SATB2: variants seen among roughly 807,000 people sequenced by gnomAD.
SATB2 encodes DNA-binding protein SATB2.
SATB2 carries 1 observed loss-of-function variant against 73.4 expected under a neutral mutation model. The observed-to-expected ratio is 0.01, with a 90% confidence interval of 0.00 to 0.06. The LOEUF is 0.06. Ranked by LOEUF, SATB2 falls within the 10% of genes least tolerant of loss-of-function variation. SATB2 has a pLI of 1.00. For missense variants in SATB2, 459 were observed against 945.8 expected, an observed-to-expected ratio of 0.49 and a Z score of 6.75; for synonymous variants, 397 against 367.0, an observed-to-expected ratio of 1.08 and a Z score of -0.93.
chr2:199,309,528 T>G (rs978200063), intron 9 of SATB2, among the ~76,000 whole-genome samples: 44 of 152,358 alleles, frequency 2.9e-4, no homozygotes, highest in Admixed American at 2.7e-3. Context: ...TAGGCCCTCT[T>G]AACCATCACC....
At chr2:199,441,122 T>C (rs1352296573) in intron 2 of SATB2, among the ~76,000 whole-genome samples, 1 of 152,080 alleles carries the variant, frequency 6.6e-6, no homozygotes, top group Non-Finnish European at 1.5e-5. Flanking sequence ...GCTGGGATTA[T>C]AGGTGTGAGC....
chr2:199,430,094 A>G (rs1691456718), intron 3 of SATB2, among the ~76,000 whole-genome samples: 1 of 152,188 alleles, frequency 6.6e-6, no homozygotes, highest in African/African-American at 2.4e-5. Flanking sequence ...ATGAATGAAT[A>G]GCTACTCAAC....
At chr2:199,390,757 A>G (rs944365728) in intron 3 of SATB2, among the ~76,000 whole-genome samples, 1 of 152,120 alleles carries the variant, frequency 6.6e-6, no homozygotes, top group Non-Finnish European at 1.5e-5. Context: ...AAATGTTGCA[A>G]TAGGTTTTCC....
At chr2:199,363,413 C>T (rs966460466) in intron 6 of SATB2, among the ~76,000 whole-genome samples, 2 of 152,226 alleles carry the variant, frequency 1.3e-5, no homozygotes, top group African/African-American at 4.8e-5. Flanking sequence ...AAATGCTGCA[C>T]GTTCTCACTT....
At chr2:199,322,902 A>G (rs995171989) in intron 9 of SATB2, among the ~76,000 whole-genome samples, 4 of 152,136 alleles carry the variant, frequency 2.6e-5, no homozygotes, top group Non-Finnish European at 5.9e-5. Context: ...TGTAGGGATG[A>G]AAACATTTGT....
intron 2 of SATB2, among the ~76,000 whole-genome samples, chr2:199,440,381 T>C (rs934190784): frequency 6.6e-6 from 1 of 152,188 alleles, no homozygotes; most frequent in South Asian, 2.1e-4. Flanking sequence ...GATTAATAGA[T>C]AAAAAGATGC....
chr2:199,325,088 G>A (rs548475727), intron 8 of SATB2, among the ~76,000 whole-genome samples: 1 of 152,168 alleles, frequency 6.6e-6, no homozygotes, highest in South Asian at 2.1e-4. Context: ...AAGGCCCTAC[G>A]TTTCCATAAA....
chr2:199,411,701 T>C (rs957726161), intron 3 of SATB2, among the ~76,000 whole-genome samples: 2 of 152,180 alleles, frequency 1.3e-5, no homozygotes, highest in African/African-American at 4.8e-5. Flanking sequence ...GTCTGGACTG[T>C]ATGGCAAGTC....
upstream of SATB2, chr2:199,467,359 G>T (rs6714133): frequency 0.11 from 17,391 of 152,344 alleles, 1,195 homozygotes; most frequent in East Asian, 0.3. Flanking sequence ...GGAGGCAAGT[G>T]TGTCTTTTCC....
At chr2:199,386,716 G>GCGCACA (rs1689968284) in intron 3 of SATB2, among the ~76,000 whole-genome samples, 8 of 9,210 alleles carry the variant, frequency 8.7e-4, no homozygotes, top group African/African-American at 1.3e-3. Context: ...GCGCGCGCGC[G>GCGCACA]CACACACACA....
At chr2:199,325,375 A>G (rs1192922999) in intron 8 of SATB2, 2 of 152,202 alleles carry the variant, frequency 1.3e-5, no homozygotes, top group Non-Finnish European at 2.9e-5. Context: ...TGAAGGAACC[A>G]TGATCTGAAC....
intron 2 of SATB2, among the ~76,000 whole-genome samples, chr2:199,445,828 C>T (rs1691947732): frequency 6.6e-6 from 1 of 152,186 alleles, no homozygotes. Flanking sequence ...ATGGAGATGT[C>T]TGAATGGAGA....
chr2:199,389,180 G>T (rs1300982938), intron 3 of SATB2, among the ~76,000 whole-genome samples: 1 of 151,564 alleles, frequency 6.6e-6, no homozygotes, highest in Non-Finnish European at 1.5e-5. Context: ...TTTTCAATGA[G>T]GAAAAAGAAA....
chr2:199,333,798 C>T (rs189388545), intron 7 of SATB2, among the ~76,000 whole-genome samples: 1 of 152,178 alleles, frequency 6.6e-6, no homozygotes, highest in African/African-American at 2.4e-5. Context: ...ATCTTCCTTC[C>T]AGAAAAACAA....
At chr2:199,314,948 G>A (rs1262243770) in intron 9 of SATB2, among the ~76,000 whole-genome samples, 1 of 152,116 alleles carries the variant, frequency 6.6e-6, no homozygotes, top group Non-Finnish European at 1.5e-5. Flanking sequence ...ATAAAGTCAA[G>A]AGCATGACTT....
chr2:199,286,794 TA>T (rs1222859207), intron 10 of SATB2, among the ~76,000 whole-genome samples: 1 of 152,078 alleles, frequency 6.6e-6, no homozygotes, highest in Non-Finnish European at 1.5e-5. Context: ...TTAAAACGAA[TA>T]AAGAGTAAGA....
upstream of SATB2, chr2:199,458,891 G>T (rs910409709): frequency 9.7e-6 from 3 of 307,950 alleles, no homozygotes; most frequent in Middle Eastern, 1.2e-3. Flanking sequence ...AGGGAAGGCC[G>T]CTTCTCCTTC....
At chr2:199,324,786 T>C (rs368846898) in intron 8 of SATB2, among the ~76,000 whole-genome samples, 1 of 152,160 alleles carries the variant, frequency 6.6e-6, no homozygotes, top group Non-Finnish European at 1.5e-5. Context: ...GCATTGCTGG[T>C]GTCTAATAAG....
intron 3 of SATB2, among the ~76,000 whole-genome samples, chr2:199,389,749 T>C (rs1690068761): frequency 6.6e-6 from 1 of 152,120 alleles, no homozygotes. Flanking sequence ...TATTTCTATC[T>C]TTCAGAGGAA....
Sources: gnomAD v4.1 joint callset for allele counts (sites outside exome capture counted in the v4.1 genomes callset) on GRCh38, gnomAD v4.1.1 for gene constraint, MANE v1.5 for transcripts, NCBI Gene and HGNC (gene_info 2026-07-23, HGNC 2026-07-21) for gene names.